AK9: variants seen among roughly 807,000 people sequenced by gnomAD.
AK9 encodes the protein adenylate kinase 9, also known as adenylate kinase domain containing 1.
AK9 carries 191 observed loss-of-function variants against 239.6 expected under a neutral mutation model. The ratio of observed to expected loss-of-function variants is 0.80; its 90% confidence interval spans 0.71 to 0.90. AK9 has a LOEUF of 0.90. Among genes scored for constraint, AK9 ranks in the 40% least tolerant of loss-of-function variants. AK9 has a pLI of 0.00. For synonymous variants in AK9, 689 were observed against 721.0 expected (o/e 0.96, Z 0.71); for missense variants, 1,995 against 2,214.7 (o/e 0.90, Z 1.99).
chr6:109,511,122 G>A (rs1381170536), intron 32 of AK9, among the ~76,000 whole-genome samples: 1 of 149,968 alleles, frequency 6.7e-6, no homozygotes, highest in East Asian at 2.0e-4. Flanking sequence ...TCTGCATGAG[G>A]TGGCAAAATT....
rs150208481 is a variant in AK9 at position 109,600,588 on chromosome 6, C to G, written c.1842+9777G>C. 6.4e-4 allele frequency among the ~76,000 whole-genome samples: 97 copies of G among 152,274 alleles called. 1 individual carries two copies. The East Asian group carries it at 0.018, about 28-fold the overall frequency. On this transcript the variant is annotated intron_variant, in intron 17 of 40. Transcript: ENST00000424296. ...GCTTTGGTATCAGGATGATGCTGGCCTCATAAAATGACTTAGGGAGGATTC... is the reference window on the plus strand; with the variant it reads ...GCTTTGGTATCAGGATGATGCTGGCGTCATAAAATGACTTAGGGAGGATTC...
intron 28 of AK9, among the ~76,000 whole-genome samples, chr6:109,531,003 A>G (rs1781162669): frequency 6.6e-6 from 1 of 152,166 alleles, no homozygotes; most frequent in South Asian, 2.1e-4. Context: ...AGATTGCGCC[A>G]CTGCATTCTA....
In AK9 at chr6:109,570,416, AG is replaced by A. The variant is rs1300557830; in HGVS notation, c.2344+3025del. On this transcript the variant is annotated intron_variant, in intron 21 of 40. Coordinates refer to ENST00000424296, the MANE Select transcript of AK9 (RefSeq NM_001145128.3). ...CATGTTGTGCACATGTACCCTCTAT[AG>A]AACTTAAAGTATAATAATAATAAAA... 2.6e-5 allele frequency among the ~76,000 whole-genome samples: 4 copies of A among 152,214 alleles called. No homozygotes were observed. The East Asian group carries it at 7.7e-4, about 29-fold the overall frequency.
At chr6:109,604,032 T>C (rs1328809931) in intron 17 of AK9, among the ~76,000 whole-genome samples, 1 of 152,158 alleles carries the variant, frequency 6.6e-6, no homozygotes, top group Non-Finnish European at 1.5e-5. Context: ...GGTGAGGTGA[T>C]GCTTCACCGT....
At chr6:109,498,033 C>T in intron 36 of AK9, 68 bp from the exon 37 acceptor site, 8 of 1,512,546 alleles carry the variant, frequency 5.3e-6, no homozygotes, top group South Asian at 3.4e-5. Context: ...AGAAGGCCAC[C>T]GAGGCTCTCC....
At chr6:109,561,020 A>T in intron 24 of AK9, among the ~76,000 whole-genome samples, 1 of 150,620 alleles carries the variant, frequency 6.6e-6, no homozygotes, top group African/African-American at 2.4e-5. Context: ...GTGCAATGGC[A>T]TGATCTCACT....
rs567363215 is a variant in AK9 at position 109,509,179 on chromosome 6, C to A, written c.4481G>T (p.Gly1494Val). ...CCATCCTCTCACCCCATTCACTTAC[C>A]CTGCAGTATTGCACACACTTTCCAT... ...SLMESVCNTA[G>V]VVIDGYPVTK... The change falls in exon 33 of 41, where the codon GGT becomes GTT. Residue 1494 changes from glycine (G) to valine (V), a missense_variant and splice_region_variant. This residue lies in a region of AK9 where 45 missense variants were observed against 80.5 expected (regional missense o/e 0.56). Coordinates refer to ENST00000424296, the MANE Select transcript of AK9 (RefSeq NM_001145128.3). 3.5e-4 allele frequency: 550 copies of A among 1,551,738 alleles called. 1 individual carries two copies. The highest frequency in any genetic ancestry group is 4.5e-4 in the Non-Finnish European group (518 of 1,146,800).
rs181927247 is a variant in AK9, at chr6:109,629,170, C to T, written c.1254+3753G>A. ...TTTTGCCCAGGCTGGCCTCAAACTC[C>T]TAGACTCAAGTGATCCTCCTGCCTC... On this transcript the variant is annotated intron_variant, in intron 12 of 40. Transcript: ENST00000424296. Among the ~76,000 whole-genome samples, 41 of 152,116 alleles carry T rather than the reference C, an allele frequency of 2.7e-4. No individual in the cohort carries two copies. The East Asian group carries it at 6.8e-3, about 25-fold the overall frequency.
At chr6:109,613,883 A>G (rs1473898216) in intron 15 of AK9, among the ~76,000 whole-genome samples, 1 of 152,114 alleles carries the variant, frequency 6.6e-6, no homozygotes, top group Non-Finnish European at 1.5e-5. Flanking sequence ...GTTAAAGTAG[A>G]GAGCTTTTAA....
chr6:109,685,925 T>C (rs1294347044), intron 1 of AK9, among the ~76,000 whole-genome samples: 3 of 152,162 alleles, frequency 2.0e-5, no homozygotes, highest in East Asian at 1.9e-4. Context: ...CAGATGAGGG[T>C]AGACTTCTGC....
At chr6:109,542,345 C>T (rs1044626936) in intron 26 of AK9, among the ~76,000 whole-genome samples, 174 bp from the exon 27 acceptor site, 6 of 152,028 alleles carry the variant, frequency 3.9e-5, no homozygotes. Flanking sequence ...TGAAGAGAGG[C>T]AGGATAATGG....
chr6:109,537,758 C>G (rs1013157194), intron 27 of AK9, among the ~76,000 whole-genome samples: 15 of 151,962 alleles, frequency 9.9e-5, no homozygotes, highest in Non-Finnish European at 2.2e-4. Flanking sequence ...ATAAATTTCC[C>G]TCTACACACT....
chr6:109,573,550 C>A lies in AK9; in HGVS notation c.2236G>T (p.Asp746Tyr). The change falls in exon 21 of 41, where the codon GAT becomes TAT. Residue 746 changes from aspartate to tyrosine, a missense_variant. Transcript: ENST00000424296. ...DNEDEEEIEG[D>Y]ELEVHEEPEA... ...GGCTCTTCGTGAACTTCCAACTCATCACCTTCAATCTCCTCTTCATCCTCA... is the reference window on the plus strand; with the variant it reads ...GGCTCTTCGTGAACTTCCAACTCATAACCTTCAATCTCCTCTTCATCCTCA... 1 of 1,550,930 alleles carries A rather than the reference C, an allele frequency of 6.4e-7. No individual in the cohort carries two copies.
At chr6:109,649,416 A>G (rs935044879) in intron 8 of AK9, among the ~76,000 whole-genome samples, 28 of 152,218 alleles carry the variant, frequency 1.8e-4, no homozygotes, top group South Asian at 8.3e-4. Flanking sequence ...AAATCAATGT[A>G]TAAAAATCAC....
chr6:109,536,202 T>C (rs1389991812), intron 27 of AK9, among the ~76,000 whole-genome samples: 1 of 152,212 alleles, frequency 6.6e-6, no homozygotes. Flanking sequence ...TTGGGCAATA[T>C]GGCCATTTTC....
chr6:109,551,053 T>C (rs1185604433), intron 24 of AK9, among the ~76,000 whole-genome samples: 10 of 152,130 alleles, frequency 6.6e-5, no homozygotes, highest in Non-Finnish European at 2.9e-5. Flanking sequence ...TAAAAATAGA[T>C]ATATATTTAG....
intron 24 of AK9, among the ~76,000 whole-genome samples, chr6:109,560,507 A>G (rs1562409003): frequency 6.6e-6 from 1 of 151,960 alleles, no homozygotes; most frequent in Non-Finnish European, 1.5e-5. Flanking sequence ...TGCTTTTTCC[A>G]TATCTATTGA....
intron 8 of AK9, among the ~76,000 whole-genome samples, chr6:109,651,762 C>T (rs1169886871): frequency 2.0e-5 from 3 of 152,056 alleles, no homozygotes; most frequent in African/African-American, 7.2e-5. Flanking sequence ...CACAGAAATG[C>T]AAACTACCAT....
rs1272264121 is a variant in AK9, at chr6:109,622,589, GC to G, written c.1255-3354del. Among the ~76,000 whole-genome samples, 54 of 144,896 alleles carry G rather than the reference GC, an allele frequency of 3.7e-4. 1 individual carries two copies. Among genetic ancestry groups the G allele is most frequent in the African/African-American group, 1.3e-3 (52 of 39,802 alleles). ...TATTAATATAATATATGCATAGTAT[GC>G]TATATATGTATATATGTGTATTATA... On this transcript the variant is annotated intron_variant, in intron 12 of 40. Transcript: ENST00000424296.
Sources: gnomAD v4.1 joint callset for allele counts (sites outside exome capture counted in the v4.1 genomes callset) on GRCh38, gnomAD v4.1.1 for gene constraint, gnomAD v4.1.1 regional missense constraint, MANE v1.5 for transcripts, NCBI Gene and HGNC (gene_info 2026-07-23, HGNC 2026-07-21) for gene names.